Variants in FANK1 observed in about 807,000 individuals in gnomAD.
The protein encoded by FANK1 is fibronectin type III and ankyrin repeat domains 1.
A neutral mutation model predicts 45.3 loss-of-function variants in FANK1; 44 were observed. That is an observed-to-expected ratio of 0.97 (90% CI 0.76 to 1.25). The LOEUF (loss-of-function observed/expected upper bound fraction) is 1.25, where lower values mean the gene tolerates loss of function less well. Among genes scored for constraint, FANK1 ranks in the 50% most tolerant of loss-of-function variants. FANK1 has a pLI of 0.00. For synonymous variants in FANK1, 149 were observed against 152.5 expected (o/e 0.98, Z 0.17); for missense variants, 391 against 424.4 (o/e 0.92, Z 0.69).
chr10:125,924,665 C>A (rs1589878590), intron 1 of FANK1, among the ~76,000 whole-genome samples: 1 of 151,970 alleles, frequency 6.6e-6, no homozygotes, highest in Non-Finnish European at 1.5e-5. Context: ...AAAAATTAGC[C>A]TGGCGTGGTG....
intron 6 of FANK1, among the ~76,000 whole-genome samples, chr10:125,999,783 T>C (rs963760255): frequency 1.3e-5 from 2 of 152,190 alleles, no homozygotes; most frequent in South Asian, 4.1e-4. Context: ...TGAGTTAATA[T>C]GAAAAATGCG....
chr10:125,983,831 A>G lies in FANK1; in HGVS notation c.191+3493A>G, dbSNP rs1457878311. Among the ~76,000 whole-genome samples the G allele has an allele frequency of 1.3e-5, 2 of 151,950 alleles. No individual in the cohort carries two copies. Among genetic ancestry groups the G allele is most frequent in the Admixed American group, 6.6e-5 (1 of 15,246 alleles). On this transcript the variant is annotated intron_variant, in intron 2 of 10. Transcript: ENST00000368693. This position sits in a 1 kb window ranked among gnomAD's most constrained non-coding sequence, Gnocchi z 4.3. Reference sequence around the variant, plus strand: ...AGCCACTGGAGATTGTGAAGCTGAGAAGAGGTGTGATCCGGCTTATGTTTT... The same window carrying G: ...AGCCACTGGAGATTGTGAAGCTGAGGAGAGGTGTGATCCGGCTTATGTTTT...
chr10:125,966,717 A>G (rs951280083), intron 1 of FANK1, among the ~76,000 whole-genome samples: 1 of 152,190 alleles, frequency 6.6e-6, no homozygotes, highest in Non-Finnish European at 1.5e-5. Flanking sequence ...TTCTTGGTTT[A>G]TTTTTATCAG....
chr10:125,989,895 A>G (rs948603917), intron 3 of FANK1, among the ~76,000 whole-genome samples: 4 of 152,052 alleles, frequency 2.6e-5, no homozygotes, highest in South Asian at 2.1e-4. Flanking sequence ...ACTCCGGGCA[A>G]CCCCAGCCAG....
chr10:125,913,407 G>A (rs1448458332), intron 1 of FANK1, among the ~76,000 whole-genome samples: 2 of 152,146 alleles, frequency 1.3e-5, no homozygotes, highest in African/African-American at 2.4e-5. Flanking sequence ...GAAGGAGGGC[G>A]TGTTTATGAA....
At chr10:125,953,639 C>G (rs1012661809) in intron 1 of FANK1, among the ~76,000 whole-genome samples, 2 of 152,160 alleles carry the variant, frequency 1.3e-5, no homozygotes, top group Non-Finnish European at 2.9e-5. Context: ...GCTGCAGGTC[C>G]CAGAAAGCCA....
Position 125,896,566 on chromosome 10 carries a change from C to G in FANK1, c.-77C>G. On this transcript the variant is annotated 5_prime_UTR_variant, in exon 1 of 11. Coordinates refer to ENST00000368693, the MANE Select transcript of FANK1 (RefSeq NM_145235.5). ...CTTCGCCTCCGGGTTGTCAGGGCAA[C>G]CGTAGCGACGCCGGCCCTGGCTGAG... 8.0e-7 allele frequency: 1 copy of G among 1,242,572 alleles called. No individual in the cohort carries two copies. The highest frequency in any genetic ancestry group is 1.0e-6 in the Non-Finnish European group (1 of 990,336). 77.0% of individuals were successfully genotyped at this position (1,242,572 alleles called of 1,614,324 possible). A position where few individuals can be genotyped will look rare whatever the true frequency, so the allele number is the denominator to read the frequency against.
chr10:125,967,873 A>G, intron 1 of FANK1, among the ~76,000 whole-genome samples: 1 of 152,260 alleles, frequency 6.6e-6, no homozygotes, highest in Non-Finnish European at 1.5e-5. Context: ...ATGTGTTTCT[A>G]GAAGTGAGAC....
chr10:125,928,379 C>G (rs1425312313), intron 1 of FANK1, among the ~76,000 whole-genome samples: 1 of 151,386 alleles, frequency 6.6e-6, no homozygotes, highest in African/African-American at 2.4e-5. Context: ...AGCGGTCACT[C>G]TTGTCACCAT....
chr10:125,949,255 T>A (rs199543933), intron 1 of FANK1, among the ~76,000 whole-genome samples: 1 of 147,060 alleles, frequency 6.8e-6, no homozygotes, highest in Non-Finnish European at 1.5e-5. Context: ...CATAGTGTTG[T>A]AAGTTCTGGC....
intron 1 of FANK1, among the ~76,000 whole-genome samples, chr10:125,933,561 A>G (rs1947887598): frequency 6.6e-6 from 1 of 151,924 alleles, no homozygotes; most frequent in Non-Finnish European, 1.5e-5. Context: ...TATCAATTTT[A>G]TTTATCTTTT....
intron 1 of FANK1, chr10:125,960,333 C>T (rs1420724703): frequency 8.4e-6 from 2 of 236,862 alleles, no homozygotes; most frequent in South Asian, 5.2e-5. Context: ...GACCTTGATC[C>T]TCTCCACGCC....
At chr10:125,917,783 G>T (rs1589841937) in intron 1 of FANK1, among the ~76,000 whole-genome samples, 1 of 152,426 alleles carries the variant, frequency 6.6e-6, no homozygotes, top group South Asian at 2.1e-4. Flanking sequence ...AAAATTCACA[G>T]AAACAAAGTA....
At chr10:125,991,313 AATAG>A (rs373464572) in intron 3 of FANK1, among the ~76,000 whole-genome samples, 21 of 148,098 alleles carry the variant, frequency 1.4e-4, no homozygotes, top group African/African-American at 3.3e-4. Context: ...ACTGCCAGAT[AATAG>A]ATAGCATCAC....
chr10:125,911,572 G>A (rs1262949767), intron 1 of FANK1, among the ~76,000 whole-genome samples: 1 of 152,254 alleles, frequency 6.6e-6, no homozygotes, highest in East Asian at 1.9e-4. Flanking sequence ...ATGTCTAGAT[G>A]TGGACTAGGT....
intron 1 of FANK1, among the ~76,000 whole-genome samples, chr10:125,976,903 G>A: frequency 6.6e-6 from 1 of 152,186 alleles, no homozygotes; most frequent in Non-Finnish European, 1.5e-5. Flanking sequence ...GATTACTGGA[G>A]TGAGCTACTG....
At chr10:126,007,559 CTTGT>C (rs772590865) in intron 7 of FANK1, among the ~76,000 whole-genome samples, 7 of 152,262 alleles carry the variant, frequency 4.6e-5, no homozygotes, top group South Asian at 2.1e-4. Flanking sequence ...CTGGAAATTC[CTTGT>C]TTGTTTTTCC....
chr10:125,897,429 C>T (rs12161730), intron 1 of FANK1, among the ~76,000 whole-genome samples: 1 of 142,358 alleles, frequency 7.0e-6, no homozygotes, highest in South Asian at 2.3e-4. Context: ...CTTTTGTTCT[C>T]AAAATAAGGG....
chr10:125,999,971 T>TA (rs1444624021), intron 6 of FANK1, among the ~76,000 whole-genome samples: 1 of 152,046 alleles, frequency 6.6e-6, no homozygotes, highest in East Asian at 1.9e-4. Context: ...GGAGGCTCAG[T>TA]AAAGTGGACA....
Sources: gnomAD v4.1 joint callset for allele counts (sites outside exome capture counted in the v4.1 genomes callset) on GRCh38, gnomAD v4.1.1 for gene constraint, Gnocchi (gnomAD v3.1) non-coding constraint, MANE v1.5 for transcripts, NCBI Gene and HGNC (gene_info 2026-07-23, HGNC 2026-07-21) for gene names.